CTNNA3: variants seen among roughly 807,000 people sequenced by gnomAD.
The protein encoded by CTNNA3 is catenin alpha 3.
Under a neutral mutation model 95.7 loss-of-function variants are expected in CTNNA3, and 76 were observed. The ratio of observed to expected loss-of-function variants is 0.79; its 90% confidence interval spans 0.66 to 0.96. The LOEUF is 0.96. Among genes scored for constraint, CTNNA3 ranks in the 40% least tolerant of loss-of-function variants. The probability of loss-of-function intolerance (pLI) is 0.00; values close to 1 mark genes in which losing one functional copy is unlikely to be tolerated. For missense variants in CTNNA3, 1,191 were observed against 1,089.8 expected (o/e 1.09, Z -1.31); for synonymous variants, 431 against 374.4 (o/e 1.15, Z -1.74).
At chr10:66,427,206 T>G (rs1323106789) in intron 11 of CTNNA3, among the ~76,000 whole-genome samples, 1 of 151,974 alleles carries the variant, frequency 6.6e-6, no homozygotes, top group Non-Finnish European at 1.5e-5. Context: ...ATCATGGAGG[T>G]AAACACAAGC....
rs757105774 is a variant in CTNNA3, at chr10:66,520,599, A to G, written c.1531+18T>C. The G allele has an allele frequency of 2.5e-6, 4 of 1,584,756 alleles. No individual in the cohort carries two copies. Among genetic ancestry groups the G allele is most frequent in the South Asian group, 2.3e-5 (2 of 87,182 alleles). ...ATTGACAAGAGAAAATAAACAAATT[A>G]AAAGAATAAAAACATACCAGATACA... On this transcript the variant is annotated intron_variant, in intron 11 of 17. Coordinates refer to ENST00000433211, the MANE Select transcript of CTNNA3 (RefSeq NM_013266.4).
At chr10:66,195,268 T>C (rs1213737344) in intron 13 of CTNNA3, among the ~76,000 whole-genome samples, 1 of 152,114 alleles carries the variant, frequency 6.6e-6, no homozygotes, top group African/African-American at 2.4e-5. Flanking sequence ...GAAAAGAGGT[T>C]CATTGAGACT....
At chr10:66,197,732 G>C (rs1452774236) in intron 13 of CTNNA3, among the ~76,000 whole-genome samples, 1 of 152,124 alleles carries the variant, frequency 6.6e-6, no homozygotes, top group Non-Finnish European at 1.5e-5. Flanking sequence ...TTTCATTTGA[G>C]GTCCAGGGAT....
intron 5 of CTNNA3, among the ~76,000 whole-genome samples, chr10:67,288,363 C>T (rs185181521): frequency 5.9e-4 from 90 of 152,252 alleles, no homozygotes; most frequent in Admixed American, 2.4e-3. Context: ...ATCTTCTTAG[C>T]ATACAAATCC....
chr10:66,175,385 A>G (rs2085655412), intron 13 of CTNNA3, among the ~76,000 whole-genome samples: 1 of 152,232 alleles, frequency 6.6e-6, no homozygotes, highest in Non-Finnish European at 1.5e-5. Context: ...TTCCGTTACT[A>G]TAAAATACCA....
chr10:67,387,216 C>A (rs571697268), intron 5 of CTNNA3, among the ~76,000 whole-genome samples: 2 of 152,100 alleles, frequency 1.3e-5, no homozygotes, highest in East Asian at 1.9e-4. Flanking sequence ...GTGCACCAGC[C>A]GAAGCAGGGT....
At chr10:66,861,208 A>G (rs889165445) in intron 7 of CTNNA3, among the ~76,000 whole-genome samples, 2 of 152,178 alleles carry the variant, frequency 1.3e-5, no homozygotes, top group East Asian at 3.8e-4. Flanking sequence ...ACAATAAACA[A>G]ATAGGAATTA....
intron 7 of CTNNA3, among the ~76,000 whole-genome samples, chr10:67,143,246 G>C (rs1860673357): frequency 6.6e-6 from 1 of 151,728 alleles, no homozygotes; most frequent in Non-Finnish European, 1.5e-5. Flanking sequence ...TTCAAAACCA[G>C]CCTTGCCAAC....
chr10:66,888,702 C>G (rs780869018), intron 7 of CTNNA3, among the ~76,000 whole-genome samples: 29 of 152,082 alleles, frequency 1.9e-4, no homozygotes, highest in Non-Finnish European at 4.4e-5. Flanking sequence ...TGGTTAAAAT[C>G]CAAAACACTA....
intron 5 of CTNNA3, among the ~76,000 whole-genome samples, chr10:67,495,389 G>A (rs893299035): frequency 1.1e-4 from 17 of 152,044 alleles, no homozygotes; most frequent in African/African-American, 2.2e-4. Flanking sequence ...CATTCTCTCC[G>A]TTTCCCTAAG....
chr10:66,897,881 T>G (rs1589390753), intron 7 of CTNNA3, among the ~76,000 whole-genome samples: 1 of 152,298 alleles, frequency 6.6e-6, no homozygotes, highest in East Asian at 1.9e-4. Context: ...AAGTGAGAAA[T>G]GAACATTTCC....
intron 10 of CTNNA3, among the ~76,000 whole-genome samples, chr10:66,606,314 A>G (rs1462668755): frequency 1.3e-5 from 2 of 152,128 alleles, no homozygotes; most frequent in South Asian, 4.1e-4. Flanking sequence ...CTCCCACACA[A>G]TAATACTGGG....
At chr10:66,598,017 A>T (rs1003560086) in intron 10 of CTNNA3, among the ~76,000 whole-genome samples, 1 of 152,082 alleles carries the variant, frequency 6.6e-6, no homozygotes, top group African/African-American at 2.4e-5. Flanking sequence ...AGATGCAAAA[A>T]TCCTCAAAAA....
intron 5 of CTNNA3, among the ~76,000 whole-genome samples, chr10:67,249,721 C>T (rs1031587330): frequency 2.0e-5 from 3 of 152,328 alleles, no homozygotes; most frequent in African/African-American, 7.2e-5. Flanking sequence ...CCTATCATGG[C>T]AGCTCCAGGT....
intron 1 of CTNNA3, among the ~76,000 whole-genome samples, chr10:67,725,774 TAAG>T (rs1281671315): frequency 6.6e-6 from 1 of 151,152 alleles, no homozygotes; most frequent in Non-Finnish European, 1.5e-5. Flanking sequence ...GCAAAAGGCT[TAAG>T]AAGATTCCAC....
intron 5 of CTNNA3, among the ~76,000 whole-genome samples, chr10:67,468,272 T>C (rs1268308359): frequency 2.0e-5 from 3 of 152,060 alleles, no homozygotes; most frequent in Admixed American, 6.6e-5. Flanking sequence ...TTTATGCCTG[T>C]AGTCCCAGCT....
At chr10:67,358,273 C>T (rs932742303) in intron 5 of CTNNA3, among the ~76,000 whole-genome samples, 3 of 152,060 alleles carry the variant, frequency 2.0e-5, no homozygotes, top group Non-Finnish European at 4.4e-5. Context: ...CTGAACTGGA[C>T]TTCATCAACA....
intron 3 of CTNNA3, among the ~76,000 whole-genome samples, chr10:67,586,199 T>C (rs1842619914): frequency 6.6e-6 from 1 of 152,062 alleles, no homozygotes; most frequent in East Asian, 1.9e-4. Flanking sequence ...CTTGATATGA[T>C]TTCAATTTTT....
chr10:67,147,662 A>G (rs2132057910), intron 7 of CTNNA3, among the ~76,000 whole-genome samples: 1 of 152,322 alleles, frequency 6.6e-6, no homozygotes, highest in East Asian at 1.9e-4. Context: ...TTTCAAATCA[A>G]AATAGTACAT....
Sources: allele counts gnomAD v4.1 joint callset (sites outside exome capture counted in the v4.1 genomes callset), GRCh38; gene constraint gnomAD v4.1.1; transcripts MANE v1.5; gene names NCBI Gene and HGNC (gene_info 2026-07-23, HGNC 2026-07-21).